SCTR: variants seen among roughly 807,000 people sequenced by gnomAD.
SCTR encodes the protein secretin receptor.
A neutral mutation model predicts 60.8 loss-of-function variants in SCTR; 56 were observed. That is an observed-to-expected ratio of 0.92 (90% CI 0.74 to 1.15). SCTR has a LOEUF of 1.15. SCTR is among the 50% of genes most tolerant of loss of function. SCTR has a pLI of 0.00. For synonymous variants in SCTR, 202 were observed against 217.0 expected, an observed-to-expected ratio of 0.93 and a Z score of 0.61; for missense variants, 562 against 550.4, an observed-to-expected ratio of 1.02 and a Z score of -0.21.
intron 2 of SCTR, among the ~76,000 whole-genome samples, chr2:119,488,530 AC>A (rs1274326992): frequency 4.6e-5 from 7 of 152,212 alleles, no homozygotes; most frequent in Non-Finnish European, 8.8e-5. Flanking sequence ...AAGAAAGATG[AC>A]CGATTCTGCT....
chr2:119,479,979 C>G (rs889987211), intron 2 of SCTR: 1 of 152,160 alleles, frequency 6.6e-6, no homozygotes, highest in African/African-American at 2.4e-5. Flanking sequence ...AATGGGGTGT[C>G]AGGTCTTTTA....
At chr2:119,507,099 A>C (rs1678764020) in intron 1 of SCTR, among the ~76,000 whole-genome samples, 1 of 151,882 alleles carries the variant, frequency 6.6e-6, no homozygotes, top group Non-Finnish European at 1.5e-5. Context: ...GTTGAATTAC[A>C]AAAAAAAGAC....
At chr2:119,512,676 C>A (rs868829422) in intron 1 of SCTR, among the ~76,000 whole-genome samples, 1 of 152,164 alleles carries the variant, frequency 6.6e-6, no homozygotes. Flanking sequence ...GGATTACAGG[C>A]GTGAGCCACC....
intron 6 of SCTR, 81 bp downstream of exon 6, chr2:119,464,042 A>G (rs980589150): frequency 4.1e-6 from 6 of 1,468,678 alleles, no homozygotes; most frequent in African/African-American, 1.4e-5. Context: ...GGGAAGGACA[A>G]CTAGGCTACT....
chr2:119,458,341 C>A (rs1281478925), intron 7 of SCTR, among the ~76,000 whole-genome samples: 1 of 149,818 alleles, frequency 6.7e-6, no homozygotes, highest in Non-Finnish European at 1.5e-5. Flanking sequence ...GTGGCTCACG[C>A]CTGTAATCCC....
intron 1 of SCTR, among the ~76,000 whole-genome samples, chr2:119,519,789 G>T (rs1285647916): frequency 8.6e-6 from 1 of 116,126 alleles, no homozygotes; most frequent in Non-Finnish European, 1.6e-5. Context: ...CTAGGTGACA[G>T]AGTGAGATGA....
At chr2:119,511,025 G>A (rs925463552) in intron 1 of SCTR, among the ~76,000 whole-genome samples, 5 of 151,416 alleles carry the variant, frequency 3.3e-5, no homozygotes, top group Admixed American at 1.3e-4. Context: ...GTGAAACCCC[G>A]TCTCTACTAA....
intron 4 of SCTR, among the ~76,000 whole-genome samples, chr2:119,469,851 A>T (rs538913636): frequency 6.6e-6 from 1 of 152,180 alleles, no homozygotes; most frequent in Non-Finnish European, 1.5e-5. Flanking sequence ...TGGGGCCCAG[A>T]AGCCTCACTG....
chr2:119,470,964 G>A (rs1326616562), intron 4 of SCTR, among the ~76,000 whole-genome samples: 1 of 152,236 alleles, frequency 6.6e-6, no homozygotes, highest in Non-Finnish European at 1.5e-5. Flanking sequence ...ACCTCCCAAA[G>A]TGGTGGGATT....
intron 9 of SCTR, among the ~76,000 whole-genome samples, chr2:119,451,021 T>C (rs1244128521): frequency 2.0e-5 from 3 of 151,882 alleles, no homozygotes; most frequent in African/African-American, 2.4e-5. Context: ...GATTATGTAA[T>C]TAAAAAAGAA....
In SCTR at chr2:119,478,839, T is replaced by A. The variant is rs1677461734; in HGVS notation, c.273A>T (p.Arg91Ser). Residue 91 changes from arginine (R) to serine (S), a missense_variant, in exon 3 of 13, where the codon AGA (arginine) becomes AGT (serine). Physicochemically the swap from Arg to Ser is moderately radical, Grantham distance 110. Coordinates refer to ENST00000019103, the MANE Select transcript of SCTR (RefSeq NM_002980.3). ...PGRMVEVECP[R>S]FLRMLTSRNG... ...TTCTGCTGGTGAGCATCCGGAGGAA[T>A]CTCGGGCATTCCACCTCCACCATCC... 6.2e-7 allele frequency: 1 copy of A among 1,614,142 alleles called. No individual in the cohort carries two copies. The highest frequency in any genetic ancestry group is 8.5e-7 in the Non-Finnish European group (1 of 1,180,030).
intron 1 of SCTR, among the ~76,000 whole-genome samples, chr2:119,508,317 A>T (rs1678817831): frequency 6.8e-6 from 1 of 147,492 alleles, no homozygotes; most frequent in Non-Finnish European, 1.5e-5. Flanking sequence ...GAACCTCCAC[A>T]TTCCATCATA....
chr2:119,462,674 T>C (rs891557890), intron 6 of SCTR, among the ~76,000 whole-genome samples: 1 of 152,194 alleles, frequency 6.6e-6, no homozygotes, highest in Admixed American at 6.5e-5. Context: ...ACCTCTGCCA[T>C]GGTAGGGCCT....
At chr2:119,479,186 C>A (rs1332274501) in intron 2 of SCTR, 2 of 988,612 alleles carry the variant, frequency 2.0e-6, no homozygotes, top group African/African-American at 1.7e-5. Flanking sequence ...AAGGAAGGCG[C>A]CCTCTCCTAT....
chr2:119,517,992 A>G lies in SCTR; in HGVS notation c.72+6163T>C, dbSNP rs985563659. ...GATCCTATAGGATTAGTGTCCTTAC[A>G]AGAAGAAATACCAGAAAGGTGTTTC... is the stretch of plus-strand genomic sequence containing the variant. On this transcript the variant is annotated intron_variant, in intron 1 of 12. Coordinates refer to ENST00000019103, the MANE Select transcript of SCTR (RefSeq NM_002980.3). 2.0e-5 allele frequency among the ~76,000 whole-genome samples: 3 copies of G among 152,296 alleles called. 1 individual carries two copies. Among genetic ancestry groups the G allele is most frequent in the Admixed American group, 2.0e-4 (3 of 15,306 alleles).
intron 6 of SCTR, 90 bp downstream of exon 6, chr2:119,464,033 G>T: frequency 7.2e-7 from 1 of 1,392,294 alleles, no homozygotes; most frequent in Non-Finnish European, 1.0e-6. Flanking sequence ...GGGGCTTGGG[G>T]GAAGGACAAC....
chr2:119,459,984 TG>T (rs2104794139), intron 7 of SCTR, among the ~76,000 whole-genome samples: 1 of 152,158 alleles, frequency 6.6e-6, no homozygotes, highest in South Asian at 2.1e-4. Flanking sequence ...CCAGGCACTC[TG>T]GGATTGCTGG....
chr2:119,495,671 G>T (rs1265532593), intron 1 of SCTR: 2 of 152,224 alleles, frequency 1.3e-5, no homozygotes, highest in Non-Finnish European at 2.9e-5. Context: ...CTCCTATTCA[G>T]GATCTTCCAC....
At chr2:119,443,452 T>C (rs1682730286) in intron 11 of SCTR, among the ~76,000 whole-genome samples, 1 of 152,206 alleles carries the variant, frequency 6.6e-6, no homozygotes, top group African/African-American at 2.4e-5. Flanking sequence ...CGTTCTAGAT[T>C]TTTTTCTTAT....
Sources: gnomAD v4.1 joint callset for allele counts (sites outside exome capture counted in the v4.1 genomes callset) on GRCh38, gnomAD v4.1.1 for gene constraint, MANE v1.5 for transcripts, NCBI Gene and HGNC (gene_info 2026-07-23, HGNC 2026-07-21) for gene names.